CHM: variants seen among roughly 807,000 people sequenced by gnomAD.
CHM encodes rab proteins geranylgeranyltransferase component A 1.
A neutral mutation model predicts 49.0 loss-of-function variants in CHM; 10 were observed. The ratio of observed to expected loss-of-function variants is 0.20; its 90% CI spans 0.13 to 0.35. The LOEUF is 0.35. CHM is among the 10% of genes least tolerant of loss of function. The pLI, the probability that CHM is intolerant of heterozygous loss-of-function variation, is 1.00. For missense variants in CHM, 455 were observed against 478.4 expected, an observed-to-expected ratio of 0.95 and a Z score of 0.46; for synonymous variants, 184 against 167.5, an observed-to-expected ratio of 1.10 and a Z score of -0.76.
intron 8 of CHM, among the ~76,000 whole-genome samples, chrX:85,939,863 T>C (rs1351354096): frequency 1.8e-5 from 2 of 112,157 alleles, no homozygotes; most frequent in Non-Finnish European, 3.8e-5. Context: ...AAATAGATTT[T>C]ACTTTGTGCC....
In CHM at chrX:85,897,096, T is replaced by C. The variant is rs190933672; in HGVS notation, c.1414-2812A>G. Among the ~76,000 whole-genome samples, 182 of 79,807 alleles carry C rather than the reference T, an allele frequency of 2.3e-3. 1 individual carries two copies. Among genetic ancestry groups the C allele is most frequent in the Non-Finnish European group, 3.1e-3 (139 of 44,563 alleles). The allele number at this position is 79,807 out of a possible 115,157, so 69.3% of individuals were successfully genotyped here. On this transcript the variant is annotated intron_variant, in intron 11 of 14. Coordinates refer to ENST00000357749, the MANE Select transcript of CHM (RefSeq NM_000390.4). ...TATATTAATTACATAATATATAATA[T>C]ATATAACAGCATATATGAAGTATAT...
chrX:85,926,891 A>C (rs894069808), intron 8 of CHM, among the ~76,000 whole-genome samples: 1 of 112,298 alleles, frequency 8.9e-6, no homozygotes, highest in African/African-American at 3.2e-5. Flanking sequence ...ATTCTGAGTT[A>C]TTCTTACATA....
chrX:86,040,843 T>C (rs1272345505), intron 1 of CHM, among the ~76,000 whole-genome samples: 1 of 112,186 alleles, frequency 8.9e-6, no homozygotes, highest in Non-Finnish European at 1.9e-5. Flanking sequence ...AACCTTTCAA[T>C]GTATCCCTAT....
intron 8 of CHM, among the ~76,000 whole-genome samples, chrX:85,919,913 A>G (rs1435195486): frequency 9.4e-6 from 1 of 105,960 alleles, no homozygotes; most frequent in African/African-American, 3.4e-5. Flanking sequence ...TGCCCAAGTG[A>G]AAAAAAAAAG....
intron 1 of CHM, among the ~76,000 whole-genome samples, chrX:86,036,207 C>T (rs1934239094): frequency 9.0e-6 from 1 of 110,879 alleles, no homozygotes; most frequent in Non-Finnish European, 1.9e-5. Context: ...TGGGGTACAG[C>T]TTGGTTTTAT....
At chrX:85,906,077 A>G (rs1926570932) in intron 9 of CHM, among the ~76,000 whole-genome samples, 1 of 111,879 alleles carries the variant, frequency 8.9e-6, no homozygotes, top group Non-Finnish European at 1.9e-5. Flanking sequence ...CAAAAAGAAA[A>G]CAAATAATAC....
At chrX:85,890,817 G>A (rs1925397089) in intron 12 of CHM, among the ~76,000 whole-genome samples, 2 of 111,935 alleles carry the variant, frequency 1.8e-5, no homozygotes, top group Admixed American at 1.9e-4. Context: ...TTGGTTAACA[G>A]GCAGAGGGTT....
At chrX:85,937,228 T>C (rs1324169064) in intron 8 of CHM, among the ~76,000 whole-genome samples, 2 of 95,894 alleles carry the variant, frequency 2.1e-5, no homozygotes, top group African/African-American at 8.1e-5. Flanking sequence ...ATTGCGCCAC[T>C]ACACTCCAGC....
intron 2 of CHM, among the ~76,000 whole-genome samples, chrX:86,019,388 T>C (rs1422770372): frequency 9.0e-6 from 1 of 111,159 alleles, no homozygotes; most frequent in Non-Finnish European, 1.9e-5. Flanking sequence ...GAGCTAAGAA[T>C]TTAATTCAAA....
intron 14 of CHM, among the ~76,000 whole-genome samples, chrX:85,869,296 T>G (rs1013167339): frequency 1.3e-4 from 14 of 111,789 alleles, no homozygotes; most frequent in African/African-American, 4.6e-4. Context: ...CAGTAACATT[T>G]AATACAAATA....
intron 2 of CHM, among the ~76,000 whole-genome samples, chrX:86,006,133 C>T (rs1477902894): frequency 1.8e-5 from 2 of 111,727 alleles, no homozygotes; most frequent in African/African-American, 6.5e-5. Context: ...AAATGTAATC[C>T]AGCATATAAA....
rs192384180 is a variant in CHM at position 85,861,668 on chromosome X, T to C, written c.*2962A>G. ...TACACAGGTATGTATACACATACAG[T>C]ATATGTTTTTCTGAGCAGGCACACC... is the stretch of plus-strand genomic sequence containing the variant. On this transcript the variant is annotated 3_prime_UTR_variant, in exon 15 of 15. Coordinates refer to ENST00000357749, the MANE Select transcript of CHM (RefSeq NM_000390.4). The C allele has an allele frequency of 8.9e-6, 1 of 111,765 alleles. No homozygotes were observed. The highest frequency in any genetic ancestry group is 2.8e-4 in the East Asian group (1 of 3,574). 9.2% of individuals were successfully genotyped at this position (111,765 alleles called of 1,213,427 possible). A position where few individuals can be genotyped will look rare whatever the true frequency, so the allele number is the denominator to read the frequency against.
chrX:85,991,537 A>G (rs747926399), intron 2 of CHM, among the ~76,000 whole-genome samples: 2 of 111,686 alleles, frequency 1.8e-5, no homozygotes, highest in African/African-American at 6.5e-5. Flanking sequence ...CATCAAAATG[A>G]GCTATTATTA....
At position 85,946,444 on chromosome X, in the gene CHM, G is replaced by A. The variant is rs183635350; in HGVS notation, c.1166+9709C>T. ...CTGCACAACATGCTCCCCATATCCAGGCCACTTCAGCTCCAGCCTCAGCTC... is the reference window on the plus strand; with the variant it reads ...CTGCACAACATGCTCCCCATATCCAAGCCACTTCAGCTCCAGCCTCAGCTC... On this transcript the variant is annotated intron_variant, in intron 8 of 14. Coordinates refer to ENST00000357749, the MANE Select transcript of CHM (RefSeq NM_000390.4). Among the ~76,000 whole-genome samples the A allele has an allele frequency of 2.7e-5, 3 of 111,933 alleles. No homozygotes were observed. In the East Asian group the frequency reaches 8.5e-4, roughly 32 times the overall value.
At chrX:85,971,253 T>G (rs1304394177) in intron 4 of CHM, 1 of 754,238 alleles carries the variant, frequency 1.3e-6, no homozygotes, top group African/African-American at 2.3e-5. Context: ...TAGAATGCTA[T>G]CGGTGTGTCC....
intron 2 of CHM, among the ~76,000 whole-genome samples, chrX:86,024,549 G>A (rs1933729817): frequency 8.9e-6 from 1 of 112,043 alleles, no homozygotes; most frequent in Admixed American, 9.5e-5. Flanking sequence ...GTGGCAGTGT[G>A]ATAAATAAAC....
chrX:85,913,332 A>AAAAAAAAGAAAG (rs762266365), intron 8 of CHM, among the ~76,000 whole-genome samples: 1 of 23,417 alleles, frequency 4.3e-5, no homozygotes, highest in African/African-American at 1.4e-4. Flanking sequence ...AAAAAAAAAA[A>AAAAAAAAGAAAG]AAAGAAAGAA....
At chrX:85,994,250 T>C (rs984006029) in intron 2 of CHM, among the ~76,000 whole-genome samples, 4 of 112,029 alleles carry the variant, frequency 3.6e-5, no homozygotes, top group African/African-American at 6.5e-5. Flanking sequence ...ATGAAAGTAT[T>C]TGAAGCAATG....
intron 1 of CHM, among the ~76,000 whole-genome samples, chrX:86,038,299 G>A (rs964054240): frequency 5.4e-5 from 6 of 111,500 alleles, no homozygotes; most frequent in African/African-American, 9.8e-5. Context: ...GGCTTCCTCC[G>A]CCCTACTGTT....
Sources: gnomAD v4.1 joint callset for allele counts (sites outside exome capture counted in the v4.1 genomes callset) on GRCh38, gnomAD v4.1.1 for gene constraint, MANE v1.5 for transcripts, NCBI Gene and HGNC (gene_info 2026-07-23, HGNC 2026-07-21) for gene names.